The following PCDH15 variants were observed in gnomAD, a reference collection of about 807,000 sequenced individuals.
PCDH15 encodes protocadherin related 15.
In PCDH15, 129 loss-of-function variants were observed where a neutral mutation model predicts 178.5. The observed-to-expected ratio is 0.72, with a 90% CI of 0.63 to 0.84. The LOEUF (loss-of-function observed/expected upper bound fraction) is 0.84, where lower values mean the gene tolerates loss of function less well. Among genes scored for constraint, PCDH15 ranks in the 40% least tolerant of loss-of-function variants. The pLI is 0.00. For missense variants in PCDH15, 2,230 were observed against 2,099.9 expected, an observed-to-expected ratio of 1.06 and a Z score of -1.21; for synonymous variants, 800 against 732.0, an observed-to-expected ratio of 1.09 and a Z score of -1.50.
chr10:53,924,232 G>GT (rs760869000), intron 25 of PCDH15, among the ~76,000 whole-genome samples: 4 of 151,912 alleles, frequency 2.6e-5, no homozygotes, highest in Non-Finnish European at 5.9e-5. Flanking sequence ...GCGAGCCAGC[G>GT]TGAGTTCCGG....
chr10:54,969,228 C>G (rs1472220607), intron 2 of PCDH15, among the ~76,000 whole-genome samples: 1 of 151,986 alleles, frequency 6.6e-6, no homozygotes, highest in East Asian at 1.9e-4. Flanking sequence ...GAATGTTGTG[C>G]TAGGAGAGAG....
At chr10:54,693,992 G>C (rs1000248336) in intron 1 of PCDH15, among the ~76,000 whole-genome samples, 3 of 152,092 alleles carry the variant, frequency 2.0e-5, no homozygotes, top group African/African-American at 7.2e-5. Flanking sequence ...TTGAGCACAG[G>C]ATTTTCCACT....
At chr10:54,269,841 T>C (rs1011209864) in intron 8 of PCDH15, among the ~76,000 whole-genome samples, 2 of 152,010 alleles carry the variant, frequency 1.3e-5, no homozygotes, top group African/African-American at 4.8e-5. Context: ...GAACACCACT[T>C]CATCTTAACA....
chr10:55,059,279 T>C (rs146505562), intron 2 of PCDH15, among the ~76,000 whole-genome samples: 2 of 152,320 alleles, frequency 1.3e-5, no homozygotes, highest in African/African-American at 4.8e-5. Flanking sequence ...TAACTACAAA[T>C]GTTGTCATTT....
chr10:54,650,050 T>C (rs1454326444), intron 2 of PCDH15, among the ~76,000 whole-genome samples: 1 of 152,172 alleles, frequency 6.6e-6, no homozygotes, highest in Non-Finnish European at 1.5e-5. Flanking sequence ...GATTTTATAA[T>C]CTAACCATGA....
chr10:55,600,937 G>C (rs1243250523), intron 2 of PCDH15, among the ~76,000 whole-genome samples: 2 of 151,882 alleles, frequency 1.3e-5, no homozygotes, highest in Admixed American at 1.3e-4. Context: ...GGGAGTTGTG[G>C]TACAGATATT....
chr10:54,448,476 G>A (rs1423716932), intron 3 of PCDH15, among the ~76,000 whole-genome samples: 1 of 151,384 alleles, frequency 6.6e-6, no homozygotes, highest in Non-Finnish European at 1.5e-5. Context: ...ATTGGGAGGG[G>A]GTATGTTTTA....
chr10:54,164,982 C>T (rs183120322), intron 13 of PCDH15, among the ~76,000 whole-genome samples: 33 of 152,300 alleles, frequency 2.2e-4, no homozygotes, highest in Non-Finnish European at 4.1e-4. Context: ...ATTAAACTAT[C>T]ACTGGAAATT....
intron 17 of PCDH15, among the ~76,000 whole-genome samples, chr10:54,068,788 G>C (rs1231058737): frequency 6.6e-6 from 1 of 152,140 alleles, no homozygotes; most frequent in African/African-American, 2.4e-5. Context: ...TTACATAGGT[G>C]TGTTCTCTAT....
At chr10:54,232,916 C>A (rs1006029654) in intron 9 of PCDH15, among the ~76,000 whole-genome samples, 1 of 137,932 alleles carries the variant, frequency 7.2e-6, no homozygotes, top group African/African-American at 3.0e-5. Context: ...TGTTGTTTAG[C>A]TTTCTTTCTT....
intron 2 of PCDH15, among the ~76,000 whole-genome samples, chr10:54,917,170 T>C (rs982545904): frequency 6.6e-6 from 1 of 152,210 alleles, no homozygotes; most frequent in Non-Finnish European, 1.5e-5. Context: ...ATATGTATTG[T>C]ATAATCAAAG....
At chr10:55,348,379 T>C (rs1202388224) in intron 2 of PCDH15, among the ~76,000 whole-genome samples, 1 of 152,034 alleles carries the variant, frequency 6.6e-6, no homozygotes, top group Non-Finnish European at 1.5e-5. Context: ...ATTCCATTCC[T>C]TTTTCCTGTG....
intron 2 of PCDH15, among the ~76,000 whole-genome samples, chr10:54,629,992 T>C (rs1013256722): frequency 6.6e-6 from 1 of 151,810 alleles, no homozygotes; most frequent in African/African-American, 2.4e-5. Context: ...CCATTTACAA[T>C]AGCCACAAAA....
At chr10:55,460,860 G>A (rs1334284699) in intron 2 of PCDH15, among the ~76,000 whole-genome samples, 5 of 152,014 alleles carry the variant, frequency 3.3e-5, no homozygotes, top group Non-Finnish European at 4.4e-5. Context: ...CTGGGACATA[G>A]TTTAGTTACT....
intron 3 of PCDH15, among the ~76,000 whole-genome samples, chr10:54,454,200 TTAC>T (rs2136334257): frequency 6.7e-6 from 1 of 149,398 alleles, no homozygotes; most frequent in Non-Finnish European, 1.5e-5. Flanking sequence ...TAATTTTTAA[TTAC>T]TAAAATTTTT....
chr10:54,522,856 C>G (rs1423526686), intron 3 of PCDH15, among the ~76,000 whole-genome samples: 1 of 152,118 alleles, frequency 6.6e-6, no homozygotes, highest in East Asian at 1.9e-4. Context: ...TACTTACATT[C>G]TATTTCAGCT....
intron 37 of PCDH15, chr10:53,808,424 C>A: frequency 8.6e-7 from 1 of 1,165,862 alleles, no homozygotes; most frequent in Non-Finnish European, 1.1e-6. Flanking sequence ...AAAATCCTAC[C>A]AGTAAATATT....
At chr10:54,839,047 T>A (rs1024298541) in intron 3 of PCDH15, among the ~76,000 whole-genome samples, 1 of 152,142 alleles carries the variant, frequency 6.6e-6, no homozygotes, top group Non-Finnish European at 1.5e-5. Context: ...CTTTAACTGC[T>A]AAAACCAGTC....
chr10:54,827,707 T>C (rs1953154571), intron 3 of PCDH15, among the ~76,000 whole-genome samples: 1 of 152,098 alleles, frequency 6.6e-6, no homozygotes, highest in African/African-American at 2.4e-5. Flanking sequence ...TTAAAAATTA[T>C]TGTAGAGCTA....
Sources: gnomAD v4.1 joint callset for allele counts (sites outside exome capture counted in the v4.1 genomes callset) on GRCh38, gnomAD v4.1.1 for gene constraint, MANE v1.5 for transcripts, NCBI Gene and HGNC (gene_info 2026-07-23, HGNC 2026-07-21) for gene names.